EYS: variants seen among roughly 807,000 people sequenced by gnomAD.
EYS encodes protein eyes shut homolog.
In EYS, 250 loss-of-function variants were observed where a neutral mutation model predicts 282.1. The observed-to-expected ratio is 0.89, with a 90% CI of 0.80 to 0.98. The LOEUF (loss-of-function observed/expected upper bound fraction) is 0.98, where lower values mean the gene tolerates loss of function less well. EYS is among the 50% of genes least tolerant of loss of function. The pLI, the probability that EYS is intolerant of heterozygous loss-of-function variation, is 0.00. For synonymous variants in EYS, 1,355 were observed against 1,282.9 expected (o/e 1.06, Z -1.20); for missense variants, 4,016 against 3,709.0 (o/e 1.08, Z -2.15).
At chr6:64,957,352 C>G (rs1041190824) in intron 14 of EYS, among the ~76,000 whole-genome samples, 1 of 151,942 alleles carries the variant, frequency 6.6e-6, no homozygotes, top group African/African-American at 2.4e-5. Context: ...CATGTTCTCA[C>G]TTAGTTGTGA....
rs553590696 is a variant in EYS at position 65,290,010 on chromosome 6, G to A, written c.2023+5853C>T. 2.0e-5 allele frequency among the ~76,000 whole-genome samples: 3 copies of A among 151,098 alleles called. No homozygotes were observed. The South Asian group carries it at 6.2e-4, about 31-fold the overall frequency. ...CAAATGCCATATTTACTCATAAATG[G>A]AAATGAAAATCAAGTCTGAAATCTA... On this transcript the variant is annotated intron_variant, in intron 12 of 42. Coordinates refer to ENST00000503581, the MANE Select transcript of EYS (RefSeq NM_001142800.2).
At chr6:64,533,583 C>T (rs948853401) in intron 26 of EYS, among the ~76,000 whole-genome samples, 1 of 151,950 alleles carries the variant, frequency 6.6e-6, no homozygotes, top group African/African-American at 2.4e-5. Context: ...GGATTCTTTA[C>T]CTGTATCTAT....
chr6:65,185,797 G>A (rs934366472), intron 12 of EYS, among the ~76,000 whole-genome samples: 1 of 151,620 alleles, frequency 6.6e-6, no homozygotes, highest in African/African-American at 2.4e-5. Flanking sequence ...TTGTTACCTG[G>A]CTACTATTTA....
intron 30 of EYS, among the ~76,000 whole-genome samples, chr6:64,259,175 G>T (rs1041971553): frequency 6.6e-6 from 1 of 151,960 alleles, no homozygotes; most frequent in Non-Finnish European, 1.5e-5. Flanking sequence ...AAAAGCTGGG[G>T]TCTGGGATGG....
At chr6:64,703,410 C>CACACATATATATAT (rs1447947508) in intron 22 of EYS, among the ~76,000 whole-genome samples, 1 of 51,544 alleles carries the variant, frequency 1.9e-5, no homozygotes, top group African/African-American at 7.7e-5. Context: ...CACACACACA[C>CACACATATATATAT]ATATATATAT....
chr6:64,230,843 C>A lies in EYS; in HGVS notation c.6192-19G>T. On this transcript the variant is annotated intron_variant, in intron 30 of 42. Transcript: ENST00000503581. ...CTGGGATCTGTGATTTATAAACAGA[C>A]AAGAAAACAAAATATAAGTAAAAGC... 2 of 1,425,800 alleles carry A rather than the reference C, an allele frequency of 1.4e-6. No individual in the cohort carries two copies. Among genetic ancestry groups the A allele is most frequent in the Non-Finnish European group, 1.9e-6 (2 of 1,046,140 alleles). The allele number at this position is 1,425,800 out of a possible 1,614,324, so 88.3% of individuals were successfully genotyped here. A position where few individuals can be genotyped will look rare whatever the true frequency, so the allele number is the denominator to read the frequency against.
At chr6:64,116,784 CA>C (rs1290770166) in intron 31 of EYS, among the ~76,000 whole-genome samples, 2 of 151,002 alleles carry the variant, frequency 1.3e-5, no homozygotes, top group South Asian at 4.1e-4. Context: ...ATACTTATAT[CA>C]GACAAAATAG....
chr6:64,812,050 T>C (rs1405462787), intron 22 of EYS, among the ~76,000 whole-genome samples: 1 of 152,114 alleles, frequency 6.6e-6, no homozygotes. Flanking sequence ...CAATTTATGA[T>C]TAATGACTTA....
chr6:64,111,652 A>T (rs1245913290), intron 31 of EYS, among the ~76,000 whole-genome samples: 2 of 152,012 alleles, frequency 1.3e-5, no homozygotes, highest in African/African-American at 2.4e-5. Context: ...AGCTGTGTGG[A>T]AGTTTCAGTG....
intron 13 of EYS, among the ~76,000 whole-genome samples, chr6:65,032,108 G>A (rs1225532607): frequency 1.3e-5 from 2 of 151,896 alleles, no homozygotes; most frequent in African/African-American, 4.8e-5. Flanking sequence ...AACTATTATG[G>A]ACAACTCTAT....
At chr6:65,513,609 A>G (rs1018202419) in intron 2 of EYS, among the ~76,000 whole-genome samples, 3 of 152,346 alleles carry the variant, frequency 2.0e-5, no homozygotes, top group African/African-American at 7.2e-5. Flanking sequence ...AGTGGGCTTC[A>G]TCCCTGGGAT....
At chr6:64,343,887 C>T (rs2150398420) in intron 29 of EYS, among the ~76,000 whole-genome samples, 1 of 152,198 alleles carries the variant, frequency 6.6e-6, no homozygotes, top group South Asian at 2.1e-4. Flanking sequence ...CACCACTGAT[C>T]CCACAGAAAT....
chr6:63,947,364 A>C (rs75187278), intron 35 of EYS, among the ~76,000 whole-genome samples: 2,454 of 152,166 alleles, frequency 0.016, 62 homozygotes, highest in African/African-American at 0.057. Context: ...TGCATTAAAA[A>C]GTACTAAGAA....
intron 36 of EYS, among the ~76,000 whole-genome samples, chr6:63,807,630 T>C (rs1311290958): frequency 6.6e-6 from 1 of 152,214 alleles, no homozygotes; most frequent in Non-Finnish European, 1.5e-5. Context: ...ATACTTTGTT[T>C]TGATATTTTA....
chr6:64,173,169 C>T (rs1764532175), intron 31 of EYS, among the ~76,000 whole-genome samples: 1 of 152,114 alleles, frequency 6.6e-6, no homozygotes. Flanking sequence ...TAGCAGCTAA[C>T]TCATAAAGAT....
chr6:65,553,830 A>G (rs75603356), intron 2 of EYS, among the ~76,000 whole-genome samples: 5,758 of 152,198 alleles, frequency 0.038, 281 homozygotes, highest in African/African-American at 0.11. Context: ...AAATAAAGGA[A>G]GTTATTTATT....
chr6:63,809,512 A>AT (rs572358220), intron 36 of EYS, among the ~76,000 whole-genome samples: 3 of 152,104 alleles, frequency 2.0e-5, no homozygotes, highest in South Asian at 2.1e-4. Context: ...AAAGTCATGC[A>AT]TTTTTTTGTC....
intron 12 of EYS, among the ~76,000 whole-genome samples, chr6:65,144,177 T>C (rs1357986496): frequency 1.3e-5 from 2 of 152,080 alleles, no homozygotes; most frequent in Non-Finnish European, 2.9e-5. Context: ...AGAAGAGACA[T>C]ATTTCAGCTT....
chr6:65,648,322 G>A lies in EYS; in HGVS notation c.-447-8430C>T, dbSNP rs990962641. ...GTGGATAAAGAAAATATATGTGTGT[G>A]TGTGTGTGTGTGTGTGTGTGTGTGT... On this transcript the variant is annotated intron_variant, in intron 1 of 42. Coordinates refer to ENST00000503581, the MANE Select transcript of EYS (RefSeq NM_001142800.2). Among the ~76,000 whole-genome samples, 146 of 115,172 alleles carry A rather than the reference G, an allele frequency of 1.3e-3. 3 individuals carry two copies. Among genetic ancestry groups the A allele is most frequent in the African/African-American group, 3.3e-3 (118 of 35,312 alleles). 75.6% of individuals were successfully genotyped at this position (115,172 alleles called of 152,430 possible).
Sources: gnomAD v4.1 joint callset for allele counts (sites outside exome capture counted in the v4.1 genomes callset) on GRCh38, gnomAD v4.1.1 for gene constraint, MANE v1.5 for transcripts, NCBI Gene and HGNC (gene_info 2026-07-23, HGNC 2026-07-21) for gene names.